The following HLCS variants were observed in gnomAD, a reference collection of about 807,000 sequenced individuals.
The protein encoded by HLCS is holocarboxylase synthetase.
A neutral mutation model predicts 75.0 loss-of-function variants in HLCS; 53 were observed. The observed-to-expected ratio is 0.71, with a 90% confidence interval of 0.57 to 0.89. The LOEUF is 0.89. HLCS is among the 40% of genes least tolerant of loss of function. The pLI, the probability that HLCS is intolerant of heterozygous loss-of-function variation, is 0.00. For synonymous variants in HLCS, 431 were observed against 428.6 expected, an observed-to-expected ratio of 1.01 and a Z score of -0.07; for missense variants, 966 against 1,074.0, an observed-to-expected ratio of 0.90 and a Z score of 1.41.
At chr21:36,966,420 C>CGGCCGG in intron 1 of HLCS, 24 bp downstream of exon 1, 45 of 441,952 alleles carry the variant, frequency 1.0e-4, no homozygotes, top group Non-Finnish European at 1.2e-4. Context: ...GGGCCCGGGT[C>CGGCCGG]GCCCGCCCGC....
chr21:36,970,407 A>AT (rs2068753345), upstream of HLCS, among the ~76,000 whole-genome samples: 1 of 151,620 alleles, frequency 6.6e-6, no homozygotes, highest in African/African-American at 2.4e-5. Context: ...TAATTTTTGT[A>AT]TTTTTTGTAG....
chr21:36,957,827 G>T (rs2068046379), intron 2 of HLCS, among the ~76,000 whole-genome samples: 1 of 151,722 alleles, frequency 6.6e-6, no homozygotes, highest in Admixed American at 6.6e-5. Context: ...TACTCGGGAG[G>T]CTGAGGAAGG....
rs1382993427 is a variant in HLCS at position 36,874,078 on chromosome 21, G to A, written c.1892+22782C>T. On this transcript the variant is annotated intron_variant, in intron 6 of 10. Coordinates refer to ENST00000674895, the MANE Select transcript of HLCS (RefSeq NM_001352514.2). ...TCATCTCAAATCAATTTTCCTGTAT[G>A]AGGTGAAGTACAGCACAAGATTCCC... Among the ~76,000 whole-genome samples the A allele has an allele frequency of 2.0e-5, 3 of 152,316 alleles. 1 individual carries two copies. In the South Asian group the frequency reaches 6.2e-4, roughly 32 times the overall value.
In HLCS at chr21:36,862,192, A is replaced by G. The variant is rs2063402612; in HGVS notation, c.1892+34668T>C. 2.0e-5 allele frequency among the ~76,000 whole-genome samples: 3 copies of G among 152,146 alleles called. No individual in the cohort carries two copies. In the South Asian group the frequency reaches 6.2e-4, roughly 32 times the overall value. ...AGACATTTTATTTATCCATTCATCCACTGATGGACATTTGGGTTGTTCCCA... is the reference window on the plus strand; with the variant it reads ...AGACATTTTATTTATCCATTCATCCGCTGATGGACATTTGGGTTGTTCCCA... On this transcript the variant is annotated intron_variant, in intron 6 of 10. Coordinates refer to ENST00000674895, the MANE Select transcript of HLCS (RefSeq NM_001352514.2).
intron 1 of HLCS, among the ~76,000 whole-genome samples, chr21:36,962,728 G>A (rs2068368520): frequency 6.7e-6 from 1 of 149,770 alleles, no homozygotes; most frequent in Admixed American, 6.8e-5. Flanking sequence ...GGGAGCCCGA[G>A]GTTGCAGTGA....
At chr21:36,962,322 G>A (rs1201005392) in intron 1 of HLCS, among the ~76,000 whole-genome samples, 152 bp from the exon 2 acceptor site, 1 of 152,164 alleles carries the variant, frequency 6.6e-6, no homozygotes, top group Admixed American at 6.5e-5. Flanking sequence ...CAGGAACCGT[G>A]TGTTTCTTGT....
At chr21:36,806,280 C>G (rs1015442902) in intron 6 of HLCS, 1 of 152,364 alleles carries the variant, frequency 6.6e-6, no homozygotes, top group Non-Finnish European at 1.5e-5. Context: ...GGGCTTGGAG[C>G]TAGGAGACTG....
chr21:36,855,835 C>A (rs947688957), intron 6 of HLCS, among the ~76,000 whole-genome samples: 1 of 152,116 alleles, frequency 6.6e-6, no homozygotes. Flanking sequence ...TCCTTGGCTT[C>A]CCAAAGTGCT....
intron 6 of HLCS, among the ~76,000 whole-genome samples, chr21:36,868,381 G>GGTGGGAATGAGAGAA (rs1438588416): frequency 1.3e-5 from 2 of 151,982 alleles, no homozygotes; most frequent in African/African-American, 4.8e-5. Context: ...TGATTATAGA[G>GGTGGGAATGAGAGAA]GTGGGAATGA....
chr21:36,764,737 C>A (rs1033066458), intron 8 of HLCS, among the ~76,000 whole-genome samples: 1 of 152,154 alleles, frequency 6.6e-6, no homozygotes, highest in East Asian at 1.9e-4. Flanking sequence ...ACAACAAAAA[C>A]CAAAAACTAA....
rs547829697 is a variant in HLCS, at chr21:36,811,855, G to A, written c.1893-44570C>T. Among the ~76,000 whole-genome samples, 4 of 152,268 alleles carry A rather than the reference G, an allele frequency of 2.6e-5. No individual in the cohort carries two copies. In the East Asian group the frequency reaches 5.8e-4, roughly 22 times the overall value. ...CAAAGGGTGGAGGACTGGCAGCGGG[G>A]GCTGCAGCGGCTGCTGTGACCAGCC... On this transcript the variant is annotated intron_variant, in intron 6 of 10. Transcript: ENST00000674895.
At chr21:36,798,637 C>T (rs1351114503) in intron 6 of HLCS, among the ~76,000 whole-genome samples, 1 of 152,192 alleles carries the variant, frequency 6.6e-6, no homozygotes, top group African/African-American at 2.4e-5. Flanking sequence ...TGTTATCATT[C>T]TGCATTCCCA....
chr21:36,793,142 ATTC>A (rs1424784602), intron 6 of HLCS, among the ~76,000 whole-genome samples: 1 of 151,990 alleles, frequency 6.6e-6, no homozygotes, highest in Non-Finnish European at 1.5e-5. Flanking sequence ...ACATCAAATA[ATTC>A]TTCTTTCTAT....
intron 8 of HLCS, among the ~76,000 whole-genome samples, chr21:36,761,822 G>A (rs1053238197): frequency 5.3e-5 from 8 of 152,188 alleles, no homozygotes; most frequent in African/African-American, 1.9e-4. Flanking sequence ...CACATGGCCA[G>A]GGGAATGAGC....
chr21:36,965,766 T>C (rs558990807), intron 1 of HLCS, among the ~76,000 whole-genome samples: 3 of 151,596 alleles, frequency 2.0e-5, no homozygotes, highest in Non-Finnish European at 2.9e-5. Flanking sequence ...GGGTCTTGCT[T>C]TGTCACCCAG....
At chr21:36,839,061 C>T (rs544639680) in intron 6 of HLCS, among the ~76,000 whole-genome samples, 32 of 152,366 alleles carry the variant, frequency 2.1e-4, no homozygotes, top group African/African-American at 7.5e-4. Context: ...AGGAGCATCA[C>T]TTAAACAGTT....
chr21:36,867,549 C>G (rs1042042619), intron 6 of HLCS, among the ~76,000 whole-genome samples: 4 of 152,150 alleles, frequency 2.6e-5, no homozygotes. Flanking sequence ...TCCAGCCTCA[C>G]ACGTTTAAGA....
intron 5 of HLCS, among the ~76,000 whole-genome samples, chr21:36,909,390 A>G (rs1284224440): frequency 1.3e-5 from 2 of 152,236 alleles, no homozygotes; most frequent in Admixed American, 1.3e-4. Context: ...GCAACATTAA[A>G]CAATACTAAG....
intron 6 of HLCS, 158 bp downstream of exon 6, chr21:36,896,702 C>G (rs59060174): frequency 2.3e-5 from 18 of 784,756 alleles, no homozygotes; most frequent in Non-Finnish European, 3.7e-5. Flanking sequence ...TCCTTTCCCA[C>G]GATTTAACTC....
Sources: allele counts gnomAD v4.1 joint callset (sites outside exome capture counted in the v4.1 genomes callset), GRCh38; gene constraint gnomAD v4.1.1; transcripts MANE v1.5; gene names NCBI Gene and HGNC (gene_info 2026-07-23, HGNC 2026-07-21).